The following TSC22D1 variants were observed in gnomAD, a reference collection of about 807,000 sequenced individuals.
The protein encoded by TSC22D1 is TSC22 domain family protein 1.
A neutral mutation model predicts 74.2 loss-of-function variants in TSC22D1; 9 were observed. The observed-to-expected ratio is 0.12, with a 90% CI of 0.07 to 0.21. The LOEUF is 0.21. TSC22D1 is among the 10% of genes least tolerant of loss of function. The pLI is 1.00. For synonymous variants in TSC22D1, 586 were observed against 492.5 expected (o/e 1.19, Z -2.51); for missense variants, 1,427 against 1,304.7 (o/e 1.09, Z -1.44).
chr13:44,496,870 A>G (rs1203630754), intron 1 of TSC22D1, among the ~76,000 whole-genome samples: 1 of 152,096 alleles, frequency 6.6e-6, no homozygotes, highest in East Asian at 1.9e-4. Flanking sequence ...ACAAGATACC[A>G]CTTCACACCC....
Position 44,535,641 on chromosome 13 carries a change from C to A in TSC22D1, c.2912+37522G>T, listed in dbSNP as rs560403953. On this transcript the variant is annotated intron_variant, in intron 1 of 2. Transcript: ENST00000458659. ...TACAAAAAACAAACAAACAAACAAA[C>A]AAAAAAAACCATTTGTTTCCTTACT... Among the ~76,000 whole-genome samples, 396 of 150,402 alleles carry A rather than the reference C, an allele frequency of 2.6e-3. 3 individuals are homozygous for A. The highest frequency in any genetic ancestry group is 5.5e-3 in the South Asian group (26 of 4,720).
At chr13:44,540,297 C>T (rs1881390104) in intron 1 of TSC22D1, among the ~76,000 whole-genome samples, 1 of 152,156 alleles carries the variant, frequency 6.6e-6, no homozygotes, top group African/African-American at 2.4e-5. Context: ...CCAGTTAATT[C>T]TTCTGTCAAA....
chr13:44,489,455 A>G (rs1878601954), intron 1 of TSC22D1, among the ~76,000 whole-genome samples: 1 of 152,066 alleles, frequency 6.6e-6, no homozygotes, highest in Non-Finnish European at 1.5e-5. Context: ...TTTGTTAAAC[A>G]TCAAAGAGCT....
At chr13:44,491,104 T>A (rs1321964972) in intron 1 of TSC22D1, among the ~76,000 whole-genome samples, 1 of 151,732 alleles carries the variant, frequency 6.6e-6, no homozygotes, top group Non-Finnish European at 1.5e-5. Context: ...GAGGCAGAGG[T>A]TGCAGTGAGC....
At chr13:44,484,296 T>C (rs1298063219) in intron 1 of TSC22D1, among the ~76,000 whole-genome samples, 3 of 152,206 alleles carry the variant, frequency 2.0e-5, no homozygotes, top group African/African-American at 7.2e-5. Flanking sequence ...ATCTCTAGTC[T>C]CTACAGTAAC....
At chr13:44,509,813 A>G (rs1450098191) in intron 1 of TSC22D1, among the ~76,000 whole-genome samples, 1 of 152,130 alleles carries the variant, frequency 6.6e-6, no homozygotes, top group Non-Finnish European at 1.5e-5. Flanking sequence ...TTGAAGATGC[A>G]GTAAGAATAT....
At chr13:44,549,644 A>G (rs1324271178) in intron 1 of TSC22D1, among the ~76,000 whole-genome samples, 1 of 151,896 alleles carries the variant, frequency 6.6e-6, no homozygotes, top group Non-Finnish European at 1.5e-5. Context: ...GCACACCTGT[A>G]GTCCCAGCTA....
chr13:44,496,737 C>T (rs1595118241), intron 1 of TSC22D1, among the ~76,000 whole-genome samples: 1 of 151,906 alleles, frequency 6.6e-6, no homozygotes, highest in East Asian at 1.9e-4. Context: ...TAGTGGTATA[C>T]ACCTGCAGTC....
intron 1 of TSC22D1, among the ~76,000 whole-genome samples, chr13:44,522,308 G>A (rs1162577993): frequency 1.3e-5 from 2 of 152,136 alleles, no homozygotes; most frequent in Admixed American, 6.5e-5. Flanking sequence ...GGGTCTCACA[G>A]GCCATGATAA....
intron 1 of TSC22D1, among the ~76,000 whole-genome samples, chr13:44,541,781 G>C (rs1881484994): frequency 6.6e-6 from 1 of 152,120 alleles, no homozygotes; most frequent in Non-Finnish European, 1.5e-5. Flanking sequence ...CACCCTAGTA[G>C]ATTAACAAAG....
chr13:44,439,652 A>G (rs993474758), intron 1 of TSC22D1, among the ~76,000 whole-genome samples: 3 of 152,228 alleles, frequency 2.0e-5, no homozygotes, highest in African/African-American at 7.2e-5. Flanking sequence ...CACTGAGCAA[A>G]GATCAGGAGG....
Position 44,576,033 on chromosome 13 carries a change from A to AGCG in TSC22D1, c.39_41dup (p.Ala15dup). ...CCATCTTCCTAGCGCTAATGTCTGC[A>AGCG]GCGGCGGCGGCCGCGGCGGTGGACT... On this transcript the variant is annotated inframe_insertion, in exon 1 of 3. Transcript: ENST00000458659. The AGCG allele has an allele frequency of 6.3e-7, 1 of 1,579,550 alleles. No homozygotes were observed. Among genetic ancestry groups the AGCG allele is most frequent in the Non-Finnish European group, 8.6e-7 (1 of 1,163,790 alleles).
intron 1 of TSC22D1, among the ~76,000 whole-genome samples, chr13:44,536,522 A>G (rs1482824347): frequency 2.6e-5 from 4 of 151,856 alleles, no homozygotes; most frequent in Non-Finnish European, 5.9e-5. Flanking sequence ...CTCCCACTAC[A>G]ATTATTTGCG....
chr13:44,445,571 T>C (rs1345483629), intron 1 of TSC22D1, among the ~76,000 whole-genome samples: 1 of 152,068 alleles, frequency 6.6e-6, no homozygotes, highest in African/African-American at 2.4e-5. Context: ...AAGATAATGT[T>C]ACAAGAATGA....
intron 1 of TSC22D1, chr13:44,436,483 A>C: frequency 6.2e-7 from 1 of 1,609,266 alleles, no homozygotes; most frequent in Non-Finnish European, 8.5e-7. Flanking sequence ...ATTTAAAGAA[A>C]CTATCTTAGC....
At chr13:44,495,857 T>A (rs982481884) in intron 1 of TSC22D1, among the ~76,000 whole-genome samples, 1 of 152,172 alleles carries the variant, frequency 6.6e-6, no homozygotes, top group Non-Finnish European at 1.5e-5. Flanking sequence ...AATATACCAA[T>A]GAACTAAATG....
rs894231812 is a variant in TSC22D1 at position 44,434,409 on chromosome 13, C to A, written c.*217G>T. The A allele has an allele frequency of 7.4e-7, 1 of 1,359,304 alleles. No individual in the cohort carries two copies. Among genetic ancestry groups the A allele is most frequent in the African/African-American group, 1.5e-5 (1 of 66,596 alleles). The allele number at this position is 1,359,304 out of a possible 1,614,324, so 84.2% of individuals were successfully genotyped here. On this transcript the variant is annotated 3_prime_UTR_variant, in exon 3 of 3. Transcript: ENST00000458659. ...AGGTCCCGGTATATCCATGCTAATT[C>A]TCGGATTAACCTTTAATTCACCCAA...
intron 1 of TSC22D1, among the ~76,000 whole-genome samples, chr13:44,554,926 TG>T (rs1290074064): frequency 6.6e-6 from 1 of 152,134 alleles, no homozygotes; most frequent in Admixed American, 6.6e-5. Context: ...ACTGAATGAA[TG>T]GTACTAATGG....
At chr13:44,576,349 C>T (rs1884248632), upstream of TSC22D1, 3 of 436,226 alleles carry the variant, frequency 6.9e-6, no homozygotes, top group Non-Finnish European at 8.1e-6. Flanking sequence ...GCCTCACACC[C>T]CCCTTTATAT....
Sources: gnomAD v4.1 joint callset for allele counts (sites outside exome capture counted in the v4.1 genomes callset) on GRCh38, gnomAD v4.1.1 for gene constraint, MANE v1.5 for transcripts, NCBI Gene and HGNC (gene_info 2026-07-23, HGNC 2026-07-21) for gene names.